SMARCA2: variants seen among roughly 807,000 people sequenced by gnomAD.
The protein encoded by SMARCA2 is SWI/SNF related BAF chromatin remodeling complex subunit ATPase 2.
SMARCA2 carries 61 observed loss-of-function variants against 199.8 expected under a neutral mutation model. That is an observed-to-expected ratio of 0.31 (90% CI 0.25 to 0.38). The LOEUF is 0.38. Ranked by LOEUF, SMARCA2 falls within the 10% of genes least tolerant of loss-of-function variation. The probability of loss-of-function intolerance (pLI) is 1.00; values close to 1 mark genes in which losing one functional copy is unlikely to be tolerated. For missense variants in SMARCA2, 1,344 were observed against 2,012.2 expected, an observed-to-expected ratio of 0.67 and a Z score of 6.35; for synonymous variants, 935 against 732.0, an observed-to-expected ratio of 1.28 and a Z score of -4.48.
intron 1 of SMARCA2, among the ~76,000 whole-genome samples, chr9:2,026,496 G>T (rs192873661): frequency 1.3e-5 from 2 of 152,228 alleles, no homozygotes; most frequent in African/African-American, 4.8e-5. Context: ...GAGATTCCCA[G>T]GTGGAAATGA....
chr9:2,164,005 G>C (rs1054631640), intron 28 of SMARCA2, among the ~76,000 whole-genome samples: 1 of 151,638 alleles, frequency 6.6e-6, no homozygotes, highest in African/African-American at 2.4e-5. Flanking sequence ...GCAGCACTTT[G>C]CCCAGCTCTC....
chr9:2,126,552 T>C (rs555195410), intron 27 of SMARCA2, among the ~76,000 whole-genome samples: 2 of 152,382 alleles, frequency 1.3e-5, no homozygotes, highest in South Asian at 2.1e-4. Context: ...AGAGATGTTC[T>C]CTACTGGCTT....
chr9:2,112,573 A>T (rs2130588037), intron 24 of SMARCA2, among the ~76,000 whole-genome samples: 1 of 152,132 alleles, frequency 6.6e-6, no homozygotes, highest in Admixed American at 6.5e-5. Flanking sequence ...TCCCCTCTTA[A>T]CTACATGGGA....
chr9:2,068,634 T>C (rs1056303714), intron 9 of SMARCA2, among the ~76,000 whole-genome samples: 1 of 152,208 alleles, frequency 6.6e-6, no homozygotes, highest in Non-Finnish European at 1.5e-5. Context: ...ATTGATTCTG[T>C]ATCGTCATTT....
At position 2,070,462 on chromosome 9, in the gene SMARCA2, G is replaced by C; in HGVS notation, c.1737G>C (p.Pro579=). 6.2e-7 allele frequency: 1 copy of C among 1,613,096 alleles called. No homozygotes were observed. The highest frequency in any genetic ancestry group is 1.1e-5 in the South Asian group (1 of 91,016). ...NAEGGESALG[P]DGEPIDESSQ... Reference sequence around the variant, plus strand: ...AGGGTGGGGAGTCTGCCCTGGGACCGGATGGAGAGGTAAGGGATCGTCATC... The same window carrying C: ...AGGGTGGGGAGTCTGCCCTGGGACCCGATGGAGAGGTAAGGGATCGTCATC... The change falls in exon 10 of 34, where the codon CCG becomes CCC. Residue 579 remains proline, a synonymous_variant. Coordinates refer to ENST00000349721, the MANE Select transcript of SMARCA2 (RefSeq NM_003070.5).
chr9:2,081,241 T>A (rs147566310), intron 14 of SMARCA2, among the ~76,000 whole-genome samples: 1 of 152,162 alleles, frequency 6.6e-6, no homozygotes, highest in African/African-American at 2.4e-5. Context: ...CAGAAATACG[T>A]TGAGCATGTT....
intron 28 of SMARCA2, among the ~76,000 whole-genome samples, chr9:2,165,291 T>G (rs1191826905): frequency 6.6e-6 from 1 of 152,232 alleles, no homozygotes; most frequent in Non-Finnish European, 1.5e-5. Context: ...ATGAGACAGT[T>G]GTTTAAAAGT....
intron 27 of SMARCA2, among the ~76,000 whole-genome samples, chr9:2,136,095 C>T (rs1824182397): frequency 6.6e-6 from 1 of 152,044 alleles, no homozygotes; most frequent in Non-Finnish European, 1.5e-5. Flanking sequence ...CTGCCTCAGC[C>T]TCCCAAAGTG....
At chr9:2,132,477 A>T in intron 27 of SMARCA2, among the ~76,000 whole-genome samples, 1 of 152,182 alleles carries the variant, frequency 6.6e-6, no homozygotes, top group Non-Finnish European at 1.5e-5. Flanking sequence ...CCTTTTTCTA[A>T]AGCATAATGT....
chr9:2,082,586 G>A (rs528011719), intron 15 of SMARCA2, among the ~76,000 whole-genome samples: 37 of 152,286 alleles, frequency 2.4e-4, no homozygotes, highest in Admixed American at 5.2e-4. Flanking sequence ...AAGGTCCTAA[G>A]TGGGCACTAC....
chr9:2,081,641 T>G (rs1821572244), intron 14 of SMARCA2, among the ~76,000 whole-genome samples, 191 bp from the exon 15 acceptor site: 2 of 152,250 alleles, frequency 1.3e-5, no homozygotes, highest in Admixed American at 1.3e-4. Flanking sequence ...GAGAGAAAGC[T>G]TACTCATGGA....
chr9:2,192,644 A>T (rs576859698), intron 33 of SMARCA2, 60 bp from the exon 34 acceptor site: 1 of 1,173,914 alleles, frequency 8.5e-7, no homozygotes, highest in Non-Finnish European at 1.3e-6. Flanking sequence ...GTTTGTTGTT[A>T]TATCTTCTTT....
At chr9:2,159,509 A>G (rs1303042183) in intron 27 of SMARCA2, 3 of 236,232 alleles carry the variant, frequency 1.3e-5, no homozygotes, top group African/African-American at 6.8e-5. Flanking sequence ...AATTTTTTAA[A>G]ATAAATTTGA....
chr9:2,173,083 A>C (rs1376546328), intron 29 of SMARCA2, among the ~76,000 whole-genome samples: 3 of 152,024 alleles, frequency 2.0e-5, no homozygotes, highest in Non-Finnish European at 4.4e-5. Flanking sequence ...GAGGAAGAGA[A>C]CTCACATAGC....
chr9:2,076,290 G>A lies in SMARCA2; in HGVS notation c.1997G>A (p.Ser666Asn). ...TEEKILLDPN[S>N]EEVSEKDAKQ... ...GAGAAAATACTCCTGGATCCAAATAGCGAAGAAGTTTCTGAGAAGGATGCT... is the reference window on the plus strand; with the variant it reads ...GAGAAAATACTCCTGGATCCAAATAACGAAGAAGTTTCTGAGAAGGATGCT... Residue 666 changes from serine (S) to asparagine (N), a missense_variant, in exon 13 of 34, where the codon AGC (serine) becomes AAC (asparagine). Physicochemically the swap from Ser to Asn is conservative, Grantham distance 46 (BLOSUM62 1). Coordinates refer to ENST00000349721, the MANE Select transcript of SMARCA2 (RefSeq NM_003070.5). 6.2e-7 allele frequency: 1 copy of A among 1,612,466 alleles called. No homozygotes were observed. Among genetic ancestry groups the A allele is most frequent in the Non-Finnish European group, 8.5e-7 (1 of 1,178,506 alleles).
intron 23 of SMARCA2, among the ~76,000 whole-genome samples, chr9:2,106,999 T>C (rs1183136721): frequency 2.0e-5 from 3 of 152,212 alleles, no homozygotes; most frequent in Non-Finnish European, 4.4e-5. Flanking sequence ...CTGATGTTAG[T>C]ATTGAGCACG....
Position 2,130,120 on chromosome 9 carries a change from T to C in SMARCA2, c.3981+6183T>C, listed in dbSNP as rs113779960. Among the ~76,000 whole-genome samples, 1,388 of 152,284 alleles carry C rather than the reference T, an allele frequency of 9.1e-3. 21 individuals carry two copies. Among genetic ancestry groups the C allele is most frequent in the African/African-American group, 0.032 (1,324 of 41,542 alleles). On this transcript the variant is annotated intron_variant, in intron 27 of 33. Transcript: ENST00000349721. ...CCACCTGCTTCCGTCTCCCAAAGTGTTGAGATTACAGGCATGAGCCACCAT... is the reference window on the plus strand; with the variant it reads ...CCACCTGCTTCCGTCTCCCAAAGTGCTGAGATTACAGGCATGAGCCACCAT...
chr9:2,191,510 G>A, intron 33 of SMARCA2, 102 bp downstream of exon 33: 1 of 1,265,520 alleles, frequency 7.9e-7, no homozygotes, highest in Non-Finnish European at 1.1e-6. Context: ...TTATTACCCA[G>A]GACTGGAAAT....
intron 32 of SMARCA2, among the ~76,000 whole-genome samples, chr9:2,190,394 T>C (rs1827793912): frequency 6.6e-6 from 1 of 152,058 alleles, no homozygotes; most frequent in Non-Finnish European, 1.5e-5. Context: ...TTAAATAAAT[T>C]ATAGTATACC....
Sources: gnomAD v4.1 joint callset for allele counts (sites outside exome capture counted in the v4.1 genomes callset) on GRCh38, gnomAD v4.1.1 for gene constraint, MANE v1.5 for transcripts, NCBI Gene and HGNC (gene_info 2026-07-23, HGNC 2026-07-21) for gene names.